The following CSMD1 variants were observed in gnomAD, a reference collection of about 807,000 sequenced individuals.
CSMD1 encodes CUB and sushi domain-containing protein 1.
Under a neutral mutation model 417.5 loss-of-function variants are expected in CSMD1, and 213 were observed. The observed-to-expected ratio is 0.51, with a 90% CI of 0.46 to 0.57. The LOEUF (loss-of-function observed/expected upper bound fraction) is 0.57, where lower values mean the gene tolerates loss of function less well. CSMD1 is among the 20% of genes least tolerant of loss of function. The pLI is 0.00. For synonymous variants in CSMD1, 2,862 were observed against 1,736.8 expected (o/e 1.65, Z -16.11); for missense variants, 6,923 against 4,529.7 (o/e 1.53, Z -15.17).
intron 4 of CSMD1, among the ~76,000 whole-genome samples, chr8:3,999,615 T>C (rs1585107755): frequency 1.3e-5 from 2 of 152,318 alleles, no homozygotes; most frequent in Admixed American, 6.5e-5. Flanking sequence ...ACGGTTTTTG[T>C]TCCCGGAGTT....
At chr8:3,707,331 G>A (rs1048501456) in intron 7 of CSMD1, among the ~76,000 whole-genome samples, 1 of 152,244 alleles carries the variant, frequency 6.6e-6, no homozygotes, top group East Asian at 1.9e-4. Context: ...GGGTTCAGAT[G>A]TCCATCCCAG....
chr8:3,954,424 G>A (rs114423102), intron 5 of CSMD1, among the ~76,000 whole-genome samples: 2,783 of 152,098 alleles, frequency 0.018, 91 homozygotes, highest in African/African-American at 0.063. Flanking sequence ...GTGCAGTGGC[G>A]GTGGTGATCT....
chr8:3,168,549 C>A (rs925803398), intron 37 of CSMD1, among the ~76,000 whole-genome samples: 2 of 151,698 alleles, frequency 1.3e-5, no homozygotes, highest in African/African-American at 4.8e-5. Context: ...ATGTCAAATG[C>A]CATGATTATA....
At chr8:3,186,879 G>T (rs1381759391) in intron 36 of CSMD1, among the ~76,000 whole-genome samples, 3 of 152,164 alleles carry the variant, frequency 2.0e-5, no homozygotes, top group Non-Finnish European at 4.4e-5. Flanking sequence ...TAATCCCTTA[G>T]AACTTAGTTG....
At chr8:4,543,469 A>C (rs73182968) in intron 2 of CSMD1, among the ~76,000 whole-genome samples, 12,149 of 152,060 alleles carry the variant, frequency 0.08, 587 homozygotes, top group South Asian at 0.14. Context: ...TGCATGAATT[A>C]ATTGTTTCCC....
intron 5 of CSMD1, among the ~76,000 whole-genome samples, chr8:3,888,187 C>A (rs775813835): frequency 6.6e-6 from 1 of 152,126 alleles, no homozygotes; most frequent in East Asian, 1.9e-4. Context: ...TATAACATAC[C>A]TGACCTAAAA....
intron 5 of CSMD1, among the ~76,000 whole-genome samples, chr8:3,844,499 G>A (rs990682813): frequency 1.3e-5 from 2 of 152,138 alleles, no homozygotes; most frequent in African/African-American, 4.8e-5. Flanking sequence ...TTGGTAATGT[G>A]ACTAACCGTA....
At chr8:3,882,193 C>G (rs1035869590) in intron 5 of CSMD1, among the ~76,000 whole-genome samples, 4 of 151,456 alleles carry the variant, frequency 2.6e-5, no homozygotes, top group African/African-American at 9.7e-5. Context: ...TACAAATCAA[C>G]AAGAAAGAGA....
intron 4 of CSMD1, among the ~76,000 whole-genome samples, chr8:4,021,117 G>C (rs1057514792): frequency 6.6e-6 from 1 of 152,180 alleles, no homozygotes; most frequent in South Asian, 2.1e-4. Flanking sequence ...TTAAAGTTGA[G>C]GCTCAATACA....
chr8:4,616,654 T>G (rs979769427), intron 2 of CSMD1, among the ~76,000 whole-genome samples: 1 of 152,186 alleles, frequency 6.6e-6, no homozygotes, highest in Non-Finnish European at 1.5e-5. Context: ...TGCCAACGCT[T>G]GAGAAAGAGC....
At chr8:3,580,739 C>A (rs1225361813) in intron 9 of CSMD1, among the ~76,000 whole-genome samples, 1 of 152,092 alleles carries the variant, frequency 6.6e-6, no homozygotes, top group Non-Finnish European at 1.5e-5. Context: ...CAGTGGTTAC[C>A]TGATCAAATA....
chr8:4,312,377 A>G (rs1798662796), intron 3 of CSMD1, among the ~76,000 whole-genome samples: 1 of 54,870 alleles, frequency 1.8e-5, no homozygotes, highest in African/African-American at 9.0e-5. Context: ...AATGGAACAA[A>G]TATATATATA....
intron 3 of CSMD1, among the ~76,000 whole-genome samples, chr8:4,158,751 C>T (rs767407849): frequency 7.2e-5 from 11 of 152,136 alleles, no homozygotes; most frequent in Non-Finnish European, 1.6e-4. Flanking sequence ...CCATCATCGT[C>T]ACTTGATGGG....
chr8:4,414,810 C>G (rs926334371), intron 3 of CSMD1, among the ~76,000 whole-genome samples: 2 of 152,038 alleles, frequency 1.3e-5, no homozygotes, highest in Non-Finnish European at 2.9e-5. Flanking sequence ...TTCAAATTTT[C>G]CTTAGAGTTA....
chr8:3,343,222 T>C, intron 23 of CSMD1, 72 bp downstream of exon 23: 1 of 1,345,464 alleles, frequency 7.4e-7, no homozygotes. Flanking sequence ...ATTTAAAACT[T>C]AATATAAGCC....
At chr8:3,401,509 G>T (rs1161543) in intron 15 of CSMD1, among the ~76,000 whole-genome samples, 5 of 152,004 alleles carry the variant, frequency 3.3e-5, no homozygotes. Flanking sequence ...AAATAATAAT[G>T]ATCTCAGTAA....
intron 1 of CSMD1, among the ~76,000 whole-genome samples, chr8:4,866,955 G>C (rs1802454085): frequency 6.6e-6 from 1 of 151,712 alleles, no homozygotes; most frequent in Non-Finnish European, 1.5e-5. Context: ...CAACCTATAT[G>C]GAACAATCTT....
chr8:4,024,537 G>A lies in CSMD1; in HGVS notation c.610+7368C>T, dbSNP rs532503497. Reference sequence around the variant, plus strand: ...TCCAAGTCAGAAATTTAAATCAGAGGTCAAGTCAATTTGAGACTTTAGTTT... The same window carrying A: ...TCCAAGTCAGAAATTTAAATCAGAGATCAAGTCAATTTGAGACTTTAGTTT... On this transcript the variant is annotated intron_variant, in intron 4 of 69. Transcript: ENST00000635120. Among the ~76,000 whole-genome samples the A allele has an allele frequency of 5.3e-5, 8 of 152,138 alleles. No individual in the cohort carries two copies. The East Asian group carries it at 1.3e-3, about 26-fold the overall frequency.
At chr8:4,098,162 CAT>C (rs1801122173) in intron 3 of CSMD1, among the ~76,000 whole-genome samples, 1 of 152,104 alleles carries the variant, frequency 6.6e-6, no homozygotes, top group Admixed American at 6.6e-5. Flanking sequence ...ATTAGAATAA[CAT>C]GTTTTGCAGC....
Sources: gnomAD v4.1 joint callset for allele counts (sites outside exome capture counted in the v4.1 genomes callset) on GRCh38, gnomAD v4.1.1 for gene constraint, MANE v1.5 for transcripts, NCBI Gene and HGNC (gene_info 2026-07-23, HGNC 2026-07-21) for gene names.